TNRC18: variants seen among roughly 807,000 people sequenced by gnomAD.
TNRC18 encodes trinucleotide repeat-containing gene 18 protein.
A neutral mutation model predicts 226.7 loss-of-function variants in TNRC18; 69 were observed. The ratio of observed to expected loss-of-function variants is 0.30; its 90% CI spans 0.25 to 0.37. The LOEUF is 0.37. Among genes scored for constraint, TNRC18 ranks in the 10% least tolerant of loss-of-function variants. The pLI, the probability that TNRC18 is intolerant of heterozygous loss-of-function variation, is 1.00. For missense variants in TNRC18, 4,754 were observed against 4,256.6 expected, an observed-to-expected ratio of 1.12 and a Z score of -3.25; for synonymous variants, 2,449 against 1,927.6, an observed-to-expected ratio of 1.27 and a Z score of -7.09.
Position 5,394,346 on chromosome 7 carries a change from C to G in TNRC18, c.343+94G>C, listed in dbSNP as rs997825335. On this transcript the variant is annotated intron_variant, in intron 3 of 29. Transcript: ENST00000430969. The surrounding 1 kb of genome is among the most constrained non-coding windows in gnomAD (Gnocchi z 4.5). Reference sequence around the variant, plus strand: ...GTGACCTGGGACCCACCAGCCCCAGCTCAGCGATGACAACAGAGGGGCACA... The same window carrying G: ...GTGACCTGGGACCCACCAGCCCCAGGTCAGCGATGACAACAGAGGGGCACA... 8 of 1,248,288 alleles carry G rather than the reference C, an allele frequency of 6.4e-6. No homozygotes were observed. The African/African-American group carries it at 1.3e-4, about 20-fold the overall frequency. 77.3% of individuals were successfully genotyped at this position (1,248,288 alleles called of 1,614,324 possible).
At chr7:5,315,527 G>A (rs2128107545) in intron 25 of TNRC18, among the ~76,000 whole-genome samples, 1 of 152,056 alleles carries the variant, frequency 6.6e-6, no homozygotes, top group South Asian at 2.1e-4. Flanking sequence ...AGGTTCAAGG[G>A]ATTCTCCTGC....
chr7:5,339,689 C>T (rs1427556999), intron 18 of TNRC18, among the ~76,000 whole-genome samples: 1 of 152,038 alleles, frequency 6.6e-6, no homozygotes, highest in Non-Finnish European at 1.5e-5. Flanking sequence ...CCTGTCTCAG[C>T]CTCCAGAGTA....
intron 25 of TNRC18, 64 bp downstream of exon 25, chr7:5,315,892 G>C (rs902979943): frequency 1.6e-6 from 2 of 1,281,428 alleles, no homozygotes; most frequent in African/African-American, 3.0e-5. Context: ...GCCGGGCTTG[G>C]AGGGCGAGAG....
Position 5,388,421 on chromosome 7 carries a change from G to A in TNRC18, c.1403C>T (p.Pro468Leu). ...AYVPAKELLK[P>L]EADPRPCERA... Reference sequence around the variant, plus strand: ...CTCGCAGGGCCTCGGGTCCGCCTCGGGCTTGAGCAGCTCCTTGGCAGGCAC... The same window carrying A: ...CTCGCAGGGCCTCGGGTCCGCCTCGAGCTTGAGCAGCTCCTTGGCAGGCAC... Residue 468 changes from proline (P) to leucine (L), a missense_variant, in exon 5 of 30, where the codon CCC becomes CTC. By Grantham distance (98) the Pro-to-Leu change is moderately conservative. Coordinates refer to ENST00000430969, the MANE Select transcript of TNRC18 (RefSeq NM_001080495.3). 6.7e-7 allele frequency: 1 copy of A among 1,482,328 alleles called. No homozygotes were observed. Among genetic ancestry groups the A allele is most frequent in the South Asian group, 1.3e-5 (1 of 77,390 alleles). 91.8% of individuals were successfully genotyped at this position (1,482,328 alleles called of 1,614,324 possible).
chr7:5,353,134 G>A (rs777976889), intron 16 of TNRC18, among the ~76,000 whole-genome samples: 36 of 152,294 alleles, frequency 2.4e-4, no homozygotes, highest in Non-Finnish European at 4.3e-4. Flanking sequence ...CCTGCCCATC[G>A]AACCAGTCAA....
chr7:5,373,688 C>T (rs767398191), intron 10 of TNRC18, among the ~76,000 whole-genome samples: 7 of 152,090 alleles, frequency 4.6e-5, no homozygotes, highest in African/African-American at 9.7e-5. Flanking sequence ...ACCCACAGAA[C>T]GGGGGGAAAG....
intron 8 of TNRC18, 88 bp from the exon 9 acceptor site, chr7:5,376,312 G>T (rs1442570501): frequency 5.9e-6 from 7 of 1,179,326 alleles, no homozygotes; most frequent in African/African-American, 1.6e-5. Context: ...CCAGAGAGGG[G>T]CCACACCCAC....
At position 5,361,487 on chromosome 7, in the gene TNRC18, G is replaced by A. The variant is rs997645476; in HGVS notation, c.4661+107C>T. On this transcript the variant is annotated intron_variant, in intron 14 of 29. Coordinates refer to ENST00000430969, the MANE Select transcript of TNRC18 (RefSeq NM_001080495.3). ...CACTGCTGCGGGTAGGTCAGAGCCCGAGGGACGCGAGGTCCCCCAGCACCC... is the reference window on the plus strand; with the variant it reads ...CACTGCTGCGGGTAGGTCAGAGCCCAAGGGACGCGAGGTCCCCCAGCACCC... 29 of 1,338,164 alleles carry A rather than the reference G, an allele frequency of 2.2e-5. No individual in the cohort carries two copies. In the Admixed American group the frequency reaches 3.1e-4, roughly 14 times the overall value. 82.9% of individuals were successfully genotyped at this position (1,338,164 alleles called of 1,614,324 possible). A position where few individuals can be genotyped will look rare whatever the true frequency, so the allele number is the denominator to read the frequency against.
At chr7:5,364,462 AACACACACAC>A (rs58752853) in intron 11 of TNRC18, among the ~76,000 whole-genome samples, 13,483 of 116,416 alleles carry the variant, frequency 0.12, 892 homozygotes, top group South Asian at 0.18. Context: ...TCTCAAAGAA[AACACACACAC>A]ACACACACAC....
At chr7:5,367,393 A>G (rs1793719582) in intron 11 of TNRC18, among the ~76,000 whole-genome samples, 1 of 151,714 alleles carries the variant, frequency 6.6e-6, no homozygotes. Flanking sequence ...AAACAAAACC[A>G]GTACCAGGTG....
At chr7:5,355,681 C>T (rs1387176915) in intron 16 of TNRC18, among the ~76,000 whole-genome samples, 2 of 152,090 alleles carry the variant, frequency 1.3e-5, no homozygotes, top group East Asian at 1.9e-4. Context: ...AGCCCAGGCA[C>T]CAGCCTGGGA....
At chr7:5,414,203 T>C (rs543953556) in intron 2 of TNRC18, among the ~76,000 whole-genome samples, 1 of 152,118 alleles carries the variant, frequency 6.6e-6, no homozygotes, top group Non-Finnish European at 1.5e-5. Context: ...CACCTCAGAC[T>C]CCCAAAGTGC....
At chr7:5,420,565 TC>T (rs1178721270) in intron 2 of TNRC18, 2 of 448,196 alleles carry the variant, frequency 4.5e-6, no homozygotes, top group African/African-American at 2.0e-5. Context: ...TACTCCCGCA[TC>T]CCCCGGCGCT....
At position 5,388,946 on chromosome 7, in the gene TNRC18, A is replaced by G. The variant is rs1286456479; in HGVS notation, c.878T>C (p.Leu293Pro). ...CCCCGCTTCGGCCACCAGCGCGGGC[A>G]GCCCCACGTCCCCGGCGCCGCCGTT... ...MCNGGAGDVG[L>P]PALVAEAGRG... The change falls in exon 5 of 30, where the codon CTG becomes CCG. Residue 293 changes from leucine (L) to proline (P), a missense_variant. Physicochemically the swap from Leu to Pro is moderately conservative, Grantham distance 98. Transcript: ENST00000430969. The G allele has an allele frequency of 2.2e-6, 3 of 1,388,682 alleles. No individual in the cohort carries two copies. The highest frequency in any genetic ancestry group is 2.8e-6 in the Non-Finnish European group (3 of 1,065,684). 86.0% of individuals were successfully genotyped at this position (1,388,682 alleles called of 1,614,324 possible). A position where few individuals can be genotyped will look rare whatever the true frequency, so the allele number is the denominator to read the frequency against.
intron 5 of TNRC18, among the ~76,000 whole-genome samples, chr7:5,387,247 C>G (rs753175388): frequency 6.6e-6 from 1 of 152,186 alleles, no homozygotes; most frequent in Non-Finnish European, 1.5e-5. Context: ...CACTCATTCA[C>G]TCATCCATCA....
chr7:5,383,512 T>C (rs1779542728), intron 5 of TNRC18, among the ~76,000 whole-genome samples: 1 of 152,154 alleles, frequency 6.6e-6, no homozygotes, highest in Admixed American at 6.6e-5. Context: ...GAGGCTCTTG[T>C]TCAAGGTTAC....
At chr7:5,321,321 C>T (rs1005280374) in intron 21 of TNRC18, 131 bp from the exon 22 acceptor site, 31 of 623,186 alleles carry the variant, frequency 5.0e-5, no homozygotes, top group Non-Finnish European at 7.7e-5. Context: ...GGGGCTGAGA[C>T]GTGTGCACTT....
At chr7:5,367,849 G>A (rs987299371) in intron 11 of TNRC18, among the ~76,000 whole-genome samples, 9 of 152,008 alleles carry the variant, frequency 5.9e-5, no homozygotes, top group Admixed American at 3.3e-4. Flanking sequence ...GGAGGGGGGC[G>A]TTGCTCACAC....
chr7:5,321,528 TG>T (rs1788356124), intron 21 of TNRC18, among the ~76,000 whole-genome samples: 1 of 152,134 alleles, frequency 6.6e-6, no homozygotes, highest in African/African-American at 2.4e-5. Flanking sequence ...CAGCAGCCTC[TG>T]GGCCTGGCAT....
Sources: gnomAD v4.1 joint callset for allele counts (sites outside exome capture counted in the v4.1 genomes callset) on GRCh38, gnomAD v4.1.1 for gene constraint, Gnocchi (gnomAD v3.1) non-coding constraint, MANE v1.5 for transcripts, NCBI Gene and HGNC (gene_info 2026-07-23, HGNC 2026-07-21) for gene names.